Variants in RADIL observed in about 807,000 individuals in gnomAD.
RADIL encodes Rap associating with DIL domain.
A neutral mutation model predicts 97.6 loss-of-function variants in RADIL; 99 were observed. The observed-to-expected ratio is 1.01, with a 90% CI of 0.86 to 1.20. The LOEUF (loss-of-function observed/expected upper bound fraction) is 1.20. RADIL is among the 50% of genes most tolerant of loss of function. The pLI, the probability that RADIL is intolerant of heterozygous loss-of-function variation, is 0.00. For missense variants in RADIL, 1,765 were observed against 1,498.9 expected (o/e 1.18, Z -2.93); for synonymous variants, 803 against 691.8 (o/e 1.16, Z -2.52).
intron 2 of RADIL, among the ~76,000 whole-genome samples, chr7:4,869,253 C>A (rs1480780124): frequency 6.6e-6 from 1 of 152,196 alleles, no homozygotes; most frequent in Non-Finnish European, 1.5e-5. Context: ...CCACCTTAGC[C>A]CCCTGAGTAG....
chr7:4,876,998 C>T (rs149721341), intron 2 of RADIL, among the ~76,000 whole-genome samples: 8 of 152,314 alleles, frequency 5.3e-5, no homozygotes, highest in Middle Eastern at 3.4e-3. Context: ...TTTAACAAGG[C>T]GTGCGTGGTT....
At chr7:4,801,273 C>G (rs985986872) in intron 12 of RADIL, among the ~76,000 whole-genome samples, 1 of 152,248 alleles carries the variant, frequency 6.6e-6, no homozygotes, top group African/African-American at 2.4e-5. Context: ...CACACAGGCC[C>G]TGCCCTGGAG....
rs1300493773 is a variant in RADIL at position 4,849,171 on chromosome 7, G to A, written c.536-12566C>T. On this transcript the variant is annotated intron_variant, in intron 2 of 14. Transcript: ENST00000399583. The surrounding 1 kb of genome is among the most constrained non-coding windows in gnomAD (Gnocchi z 5.4). Reference sequence around the variant, plus strand: ...AAAAAAAAAAGGGAATTAAAAGCCAGAAAGAAAGAGTTCACAGTTGAAAGT... The same window carrying A: ...AAAAAAAAAAGGGAATTAAAAGCCAAAAAGAAAGAGTTCACAGTTGAAAGT... Among the ~76,000 whole-genome samples the A allele has an allele frequency of 6.6e-6, 1 of 150,742 alleles. No homozygotes were observed. The highest frequency in any genetic ancestry group is 2.4e-5 in the African/African-American group (1 of 40,960).
At chr7:4,803,958 C>A (rs745740377) in intron 10 of RADIL, 5 of 667,320 alleles carry the variant, frequency 7.5e-6, no homozygotes, top group Non-Finnish European at 1.4e-5. Context: ...GCCGACCACC[C>A]GGTGTGACAT....
chr7:4,807,017 C>T (rs1448279784), intron 9 of RADIL, among the ~76,000 whole-genome samples: 4 of 152,166 alleles, frequency 2.6e-5, no homozygotes, highest in Non-Finnish European at 5.9e-5. Context: ...CACCTCAATG[C>T]GTGGCTCTGG....
At chr7:4,811,232 A>C (rs1409952462) in intron 9 of RADIL, 1 of 152,274 alleles carries the variant, frequency 6.6e-6, no homozygotes, top group Admixed American at 6.5e-5. Flanking sequence ...AAGAAACAAC[A>C]AAATCTGTAA....
rs1330018009 is a variant in RADIL, at chr7:4,797,642, A to G, written c.*1736T>C. The G allele has an allele frequency of 1.3e-5, 2 of 152,256 alleles. No homozygotes were observed. The highest frequency in any genetic ancestry group is 4.8e-5 in the African/African-American group (2 of 41,442). 9.4% of individuals were successfully genotyped at this position (152,256 alleles called of 1,614,324 possible). On this transcript the variant is annotated 3_prime_UTR_variant, in exon 15 of 15. Coordinates refer to ENST00000399583, the MANE Select transcript of RADIL (RefSeq NM_018059.5). ...TGCAGACCGTCCAGAGCTGTGAGACATTCTCGGCAGTGCTAACACACACGT... is the reference window on the plus strand; with the variant it reads ...TGCAGACCGTCCAGAGCTGTGAGACGTTCTCGGCAGTGCTAACACACACGT...
chr7:4,804,949 T>A (rs139829556), intron 10 of RADIL, among the ~76,000 whole-genome samples: 1 of 149,934 alleles, frequency 6.7e-6, no homozygotes, highest in Non-Finnish European at 1.5e-5. Context: ...CAAAAATTAG[T>A]TGGGCGTGGT....
At chr7:4,820,308 G>T (rs2115194400) in intron 6 of RADIL, among the ~76,000 whole-genome samples, 1 of 152,342 alleles carries the variant, frequency 6.6e-6, no homozygotes, top group East Asian at 1.9e-4. Context: ...GTAGTCCCGG[G>T]AGCCCAGGAG....
chr7:4,833,257 G>T (rs1019958465), intron 4 of RADIL, among the ~76,000 whole-genome samples: 13 of 152,210 alleles, frequency 8.5e-5, no homozygotes, highest in Non-Finnish European at 1.6e-4. Flanking sequence ...TTGTGATAAA[G>T]AAATTAAACA....
intron 6 of RADIL, among the ~76,000 whole-genome samples, chr7:4,820,574 T>G (rs1782803194): frequency 6.6e-6 from 1 of 152,130 alleles, no homozygotes; most frequent in Non-Finnish European, 1.5e-5. Flanking sequence ...TTCCCAGGAC[T>G]GGGGAGACCC....
chr7:4,802,016 A>G (rs748969680), intron 11 of RADIL, 21 bp from the exon 12 acceptor site: 29 of 1,474,816 alleles, frequency 2.0e-5, no homozygotes, highest in Non-Finnish European at 2.6e-5. Context: ...GAAGGGTGAC[A>G]GCTCAGGTAG....
chr7:4,850,720 A>G (rs964782742), intron 2 of RADIL, among the ~76,000 whole-genome samples: 1 of 152,204 alleles, frequency 6.6e-6, no homozygotes, highest in Non-Finnish European at 1.5e-5. Context: ...GAACTCTGCC[A>G]ACAACCTTGT....
chr7:4,822,711 G>A lies in RADIL; in HGVS notation c.1455-157C>T, dbSNP rs1013577624. Among the ~76,000 whole-genome samples, 2 of 152,146 alleles carry A rather than the reference G, an allele frequency of 1.3e-5. No individual in the cohort carries two copies. The highest frequency in any genetic ancestry group is 1.9e-4 in the East Asian group (1 of 5,186). ...GCTGGGCGGGGACGTTTAACAATAC[G>A]TGTACCCGCCTGGCACCTGCCTACA... is the stretch of plus-strand genomic sequence containing the variant. On this transcript the variant is annotated intron_variant, in intron 5 of 14. Transcript: ENST00000399583. This position sits in a 1 kb window ranked among gnomAD's most constrained non-coding sequence, Gnocchi z 5.3.
Position 4,801,770 on chromosome 7 carries a change from G to A in RADIL, c.2725C>T (p.Pro909Ser), listed in dbSNP as rs370928945. 4.8e-5 allele frequency: 77 copies of A among 1,610,516 alleles called. No homozygotes were observed. Among genetic ancestry groups the A allele is most frequent in the Non-Finnish European group, 6.3e-5 (74 of 1,179,142 alleles). Residue 909 changes from proline (P) to serine (S), a missense_variant, in exon 12 of 15, where the codon CCA becomes TCA. Pro to Ser is a moderately conservative substitution (Grantham distance 74). Coordinates refer to ENST00000399583, the MANE Select transcript of RADIL (RefSeq NM_018059.5). ...SSCLLTPPST[P>S]LGPEPGDPDW... is the part of the protein sequence containing the mutation. ...GGGTCCCCAGGCTCAGGGCCAAGTG[G>A]AGTGCTGGGAGGCGTGAGCAAGCAG...
chr7:4,833,504 C>T (rs1452974796), intron 4 of RADIL, among the ~76,000 whole-genome samples: 5 of 152,174 alleles, frequency 3.3e-5, no homozygotes, highest in Admixed American at 2.0e-4. Context: ...GGAAGAGGCA[C>T]GGACACCCAG....
rs183872601 is a variant in RADIL at position 4,874,431 on chromosome 7, G to A, written c.535+3174C>T. Among the ~76,000 whole-genome samples, 38 of 152,328 alleles carry A rather than the reference G, an allele frequency of 2.5e-4. No individual in the cohort carries two copies. In the East Asian group the frequency reaches 6.4e-3, roughly 26 times the overall value. On this transcript the variant is annotated intron_variant, in intron 2 of 14. Coordinates refer to ENST00000399583, the MANE Select transcript of RADIL (RefSeq NM_018059.5). ...AGAGGCTCAATAACCGTTCTGTAAT[G>A]AGCAGAAGCATGTGTGCATGCCTCT...
In RADIL at chr7:4,797,209, A is replaced by G. The variant is rs1036945769; in HGVS notation, c.*2169T>C. The G allele has an allele frequency of 6.6e-6, 1 of 152,258 alleles. No individual in the cohort carries two copies. The highest frequency in any genetic ancestry group is 1.5e-5 in the Non-Finnish European group (1 of 68,068). 9.4% of individuals were successfully genotyped at this position (152,258 alleles called of 1,614,324 possible). The stretch of plus-strand genomic sequence containing the variant: ...CCCTCACCAGTCCCGCACCTCAGCT[A>G]GGTGCTTCAGCGGCCAGAGGCTAGC... On this transcript the variant is annotated 3_prime_UTR_variant, in exon 15 of 15. Transcript: ENST00000399583.
At position 4,880,798 on chromosome 7, in the gene RADIL, C is replaced by T. The variant is rs1784467600; in HGVS notation, c.-64-2595G>A. On this transcript the variant is annotated intron_variant, in intron 1 of 14. Coordinates refer to ENST00000399583, the MANE Select transcript of RADIL (RefSeq NM_018059.5). This position sits in a 1 kb window ranked among gnomAD's most constrained non-coding sequence, Gnocchi z 4.5. ...CGATACCAAAAACTGGGGAAGCCCC[C>T]TCCAGGCAGGAGAAAGCCCATATCA... is the stretch of plus-strand genomic sequence containing the variant. 6.6e-6 allele frequency among the ~76,000 whole-genome samples: 1 copy of T among 152,192 alleles called. No individual in the cohort carries two copies.
Sources: allele counts gnomAD v4.1 joint callset (sites outside exome capture counted in the v4.1 genomes callset), GRCh38; gene constraint gnomAD v4.1.1; non-coding constraint Gnocchi (gnomAD v3.1); transcripts MANE v1.5; gene names NCBI Gene and HGNC (gene_info 2026-07-23, HGNC 2026-07-21).